The following RBFOX1 variants were observed in gnomAD, a reference collection of about 807,000 sequenced individuals.
RBFOX1 encodes the protein RNA binding fox-1 homolog 1.
RBFOX1 carries 8 observed loss-of-function variants against 57.7 expected under a neutral mutation model. The ratio of observed to expected loss-of-function variants is 0.14; its 90% CI spans 0.08 to 0.25. RBFOX1 has a LOEUF of 0.25. Ranked by LOEUF, RBFOX1 falls within the 10% of genes least tolerant of loss-of-function variation. The pLI, the probability that RBFOX1 is intolerant of heterozygous loss-of-function variation, is 1.00. For missense variants in RBFOX1, 611 were observed against 548.5 expected (o/e 1.11, Z -1.14); for synonymous variants, 326 against 222.4 (o/e 1.47, Z -4.15).
At chr16:5,600,306 T>TA (rs201494923), downstream of RBFOX1, among the ~76,000 whole-genome samples, 7,755 of 143,790 alleles carry the variant, frequency 0.054, 591 homozygotes, top group African/African-American at 0.18. Flanking sequence ...CTCAAAAAAA[T>TA]AAAAAAAAAT....
intron 3 of RBFOX1, among the ~76,000 whole-genome samples, chr16:6,913,213 A>C (rs559881481): frequency 3.7e-4 from 57 of 152,226 alleles, no homozygotes; most frequent in African/African-American, 1.4e-3. Context: ...ATGCAAAAAC[A>C]GGGTATCGGA....
intron 4 of RBFOX1, among the ~76,000 whole-genome samples, chr16:6,006,448 G>T (rs1157534897): frequency 6.6e-6 from 1 of 152,160 alleles, no homozygotes. Context: ...ATGCCAGTCT[G>T]TGCCTATTGG....
chr16:6,468,857 G>A (rs1220141194), intron 2 of RBFOX1, among the ~76,000 whole-genome samples: 35 of 151,866 alleles, frequency 2.3e-4, no homozygotes, highest in Admixed American at 2.0e-3. Context: ...GTGTCATGGG[G>A]GTTCATTGTA....
rs531791754 is a variant in RBFOX1 at position 7,417,025 on chromosome 16, A to AT, written c.28-101114dup. The stretch of plus-strand genomic sequence containing the variant: ...GCTCGTAAACTTACACTTTGCCTAA[A>AT]TTTTTTTTAAATGATTGAGTTCATT... On this transcript the variant is annotated intron_variant, in intron 4 of 15. Coordinates refer to ENST00000550418, the MANE Select transcript of RBFOX1 (RefSeq NM_018723.4). Among the ~76,000 whole-genome samples the AT allele has an allele frequency of 4.3e-3, 659 of 152,022 alleles. 6 individuals carry two copies. Among genetic ancestry groups the AT allele is most frequent in the African/African-American group, 0.015 (621 of 41,448 alleles).
chr16:7,466,399 C>T (rs1361765855), intron 4 of RBFOX1, among the ~76,000 whole-genome samples: 1 of 152,194 alleles, frequency 6.6e-6, no homozygotes, highest in Non-Finnish European at 1.5e-5. Context: ...CATACCACTT[C>T]CCAGTGAGGC....
At chr16:7,085,614 G>T (rs756662637) in intron 4 of RBFOX1, among the ~76,000 whole-genome samples, 1 of 151,984 alleles carries the variant, frequency 6.6e-6, no homozygotes, top group East Asian at 1.9e-4. Context: ...TAAAGAGTAG[G>T]GTGCTTAGTT....
intron 10 of RBFOX1, among the ~76,000 whole-genome samples, chr16:7,621,815 T>G (rs1395412088): frequency 6.6e-6 from 1 of 152,164 alleles, no homozygotes; most frequent in Non-Finnish European, 1.5e-5. Context: ...TCAGCAAACT[T>G]TGTCTGTAAA....
chr16:6,435,483 C>T (rs747508991), intron 2 of RBFOX1, among the ~76,000 whole-genome samples: 3 of 151,822 alleles, frequency 2.0e-5, no homozygotes, highest in Non-Finnish European at 4.4e-5. Flanking sequence ...ATTTCTTTTT[C>T]ATTAGAGGTG....
intron 3 of RBFOX1, among the ~76,000 whole-genome samples, chr16:6,950,822 T>G: frequency 6.6e-6 from 1 of 152,124 alleles, no homozygotes; most frequent in East Asian, 1.9e-4. Context: ...AGGACTACAT[T>G]TCCTTCCTCA....
intron 3 of RBFOX1, among the ~76,000 whole-genome samples, chr16:6,828,653 G>C (rs2092432207): frequency 6.6e-6 from 1 of 152,002 alleles, no homozygotes; most frequent in Non-Finnish European, 1.5e-5. Context: ...TTTGACCTAG[G>C]ATTCACCTAG....
chr16:5,454,840 CCTTTCTTTCTTTCTTTT>C (rs2068539451), intron 1 of RBFOX1, among the ~76,000 whole-genome samples: 9 of 104,910 alleles, frequency 8.6e-5, no homozygotes, highest in South Asian at 3.1e-4. Context: ...TGCTTTCTTT[CCTTTCTTTCTTTCTTTT>C]CTTTCTTTCT....
chr16:5,679,864 A>T (rs2050276786), intron 3 of RBFOX1, among the ~76,000 whole-genome samples: 1 of 152,110 alleles, frequency 6.6e-6, no homozygotes, highest in Non-Finnish European at 1.5e-5. Context: ...GCTTATATTA[A>T]AGTACAGTTC....
intron 4 of RBFOX1, among the ~76,000 whole-genome samples, chr16:7,202,224 C>A (rs1186349179): frequency 6.7e-6 from 1 of 149,706 alleles, no homozygotes; most frequent in Non-Finnish European, 1.5e-5. Context: ...TGCTCAACAT[C>A]ATTAATCATT....
chr16:7,485,778 C>A (rs374984443), intron 4 of RBFOX1, among the ~76,000 whole-genome samples: 2 of 152,198 alleles, frequency 1.3e-5, no homozygotes, highest in East Asian at 3.8e-4. Flanking sequence ...AATATTACAT[C>A]CCTTGACTAT....
intron 3 of RBFOX1, among the ~76,000 whole-genome samples, chr16:5,759,340 C>G (rs2053511707): frequency 6.6e-6 from 1 of 152,190 alleles, no homozygotes; most frequent in Non-Finnish European, 1.5e-5. Flanking sequence ...AGAGATGTAT[C>G]TCTGTTCTGA....
At chr16:6,525,996 A>G (rs1341896761) in intron 2 of RBFOX1, among the ~76,000 whole-genome samples, 3 of 152,212 alleles carry the variant, frequency 2.0e-5, no homozygotes, top group African/African-American at 4.8e-5. Context: ...AAATGACCCC[A>G]AGATATCCAG....
chr16:5,917,088 C>A (rs1397376074), intron 4 of RBFOX1, among the ~76,000 whole-genome samples: 3 of 152,072 alleles, frequency 2.0e-5, no homozygotes, highest in African/African-American at 7.2e-5. Context: ...CCACTTGAAC[C>A]TGCTCTACAG....
At chr16:6,193,425 T>TATATATATAA (rs1243693521) in intron 1 of RBFOX1, among the ~76,000 whole-genome samples, 6 of 106,492 alleles carry the variant, frequency 5.6e-5, no homozygotes, top group African/African-American at 1.9e-4. Flanking sequence ...TATATATATA[T>TATATATATAA]AAAATTCAGT....
chr16:6,849,430 G>A (rs1445165474), intron 3 of RBFOX1, among the ~76,000 whole-genome samples: 1 of 152,212 alleles, frequency 6.6e-6, no homozygotes, highest in Non-Finnish European at 1.5e-5. Context: ...ACACTTGGGA[G>A]GCTGAGGCTG....
Sources: gnomAD v4.1 joint callset for allele counts (sites outside exome capture counted in the v4.1 genomes callset) on GRCh38, gnomAD v4.1.1 for gene constraint, MANE v1.5 for transcripts, NCBI Gene and HGNC (gene_info 2026-07-23, HGNC 2026-07-21) for gene names.